PHF24: variants seen among roughly 807,000 people sequenced by gnomAD.
PHF24 encodes PHD finger protein 24, also known as Galpha inhibitory interacting protein.
In PHF24, 25 loss-of-function variants were observed where a neutral mutation model predicts 42.6. The observed-to-expected ratio is 0.59, with a 90% CI of 0.43 to 0.82. PHF24 has a LOEUF of 0.82. Ranked by LOEUF, PHF24 falls within the 40% of genes least tolerant of loss-of-function variation. PHF24 has a pLI of 0.00. For synonymous variants in PHF24, 185 were observed against 204.8 expected (o/e 0.90, Z 0.83); for missense variants, 470 against 538.1 (o/e 0.87, Z 1.25).
the PHF24 span, among the ~76,000 whole-genome samples, chr9:34,711,667 C>T: frequency 2.6e-5 from 4 of 152,066 alleles, no homozygotes; most frequent in South Asian, 4.2e-4. Flanking sequence ...CTCAGCCTCC[C>T]GAGTAACTGG....
chr9:34,948,863 C>A, the PHF24 span, among the ~76,000 whole-genome samples: 1 of 152,194 alleles, frequency 6.6e-6, no homozygotes, highest in African/African-American at 2.4e-5. Context: ...AAATACATAG[C>A]ATGGCAACTC....
chr9:34,852,474 C>A, the PHF24 span, among the ~76,000 whole-genome samples: 1 of 152,194 alleles, frequency 6.6e-6, no homozygotes, highest in Non-Finnish European at 1.5e-5. Flanking sequence ...GAGTAAAGAA[C>A]ACCTGAGCTT....
chr9:34,790,002 A>T, the PHF24 span, among the ~76,000 whole-genome samples: 1 of 151,986 alleles, frequency 6.6e-6, no homozygotes, highest in Non-Finnish European at 1.5e-5. Context: ...ATGCGCCACC[A>T]TGCCTGGCTA....
At chr9:34,723,369 C>A in the PHF24 span, 2 of 1,551,694 alleles carry the variant, frequency 1.3e-6, no homozygotes, top group Non-Finnish European at 8.7e-7. Flanking sequence ...GATTGGGGAC[C>A]ATCCAAGAAG....
At chr9:34,805,370 T>C in the PHF24 span, among the ~76,000 whole-genome samples, 4 of 152,234 alleles carry the variant, frequency 2.6e-5, no homozygotes, top group African/African-American at 9.6e-5. Context: ...CAGCACTTGT[T>C]GTTATCTGAC....
the PHF24 span, chr9:34,889,134 T>C: frequency 5.0e-6 from 2 of 398,630 alleles, no homozygotes; most frequent in Admixed American, 4.4e-5. Context: ...GAAATGGCAA[T>C]GAAAGCCTTT....
intron 3 of PHF24, 143 bp downstream of exon 3, chr9:34,972,674 G>A: frequency 1.4e-6 from 1 of 691,814 alleles, no homozygotes; most frequent in Non-Finnish European, 2.3e-6. Flanking sequence ...CCAGCACTTT[G>A]GGAGGCCAGT....
the PHF24 span, among the ~76,000 whole-genome samples, chr9:34,949,900 C>A: frequency 6.6e-6 from 1 of 151,466 alleles, no homozygotes; most frequent in Non-Finnish European, 1.5e-5. Flanking sequence ...CTAATGCATG[C>A]GGAGCTTAAA....
At chr9:34,863,415 C>CAGAGAGAGAGAGAG in the PHF24 span, among the ~76,000 whole-genome samples, 1 of 146,966 alleles carries the variant, frequency 6.8e-6, no homozygotes, top group African/African-American at 2.6e-5. Flanking sequence ...GCTGGCTCAT[C>CAGAGAGAGAGAGAG]AGAGAGAGAG....
chr9:34,888,960 A>G, the PHF24 span: 1 of 397,374 alleles, frequency 2.5e-6, no homozygotes, highest in Non-Finnish European at 4.4e-6. Flanking sequence ...CTGAAATAAA[A>G]TGTGATTTAA....
the PHF24 span, among the ~76,000 whole-genome samples, chr9:34,753,838 C>G: frequency 6.6e-6 from 1 of 152,086 alleles, no homozygotes; most frequent in African/African-American, 2.4e-5. Context: ...ATCCATGCAT[C>G]TACAGCGAAC....
At chr9:34,873,388 G>A in the PHF24 span, among the ~76,000 whole-genome samples, 1 of 152,144 alleles carries the variant, frequency 6.6e-6, no homozygotes, top group African/African-American at 2.4e-5. Context: ...TGTATAAGGT[G>A]TAAGGAAGAG....
At chr9:34,922,821 G>A in the PHF24 span, 1 of 1,592,392 alleles carries the variant, frequency 6.3e-7, no homozygotes, top group African/African-American at 1.3e-5. Context: ...GGATAATTAA[G>A]CTCCTTGCTC....
chr9:34,789,021 C>T, the PHF24 span, among the ~76,000 whole-genome samples: 13 of 152,186 alleles, frequency 8.5e-5, no homozygotes, highest in Admixed American at 5.9e-4. Flanking sequence ...CAGTAATGAG[C>T]GATGCAGGTG....
chr9:34,688,078 C>T, the PHF24 span, among the ~76,000 whole-genome samples: 30 of 152,144 alleles, frequency 2.0e-4, no homozygotes, highest in Admixed American at 1.8e-3. Flanking sequence ...GTTTTGAGCA[C>T]CTGCATCTGG....
the PHF24 span, among the ~76,000 whole-genome samples, chr9:34,923,073 A>G: frequency 6.7e-6 from 1 of 149,594 alleles, no homozygotes; most frequent in Non-Finnish European, 1.5e-5. Flanking sequence ...TTTAATCATG[A>G]AGGGATGTTG....
At chr9:34,887,665 A>T in the PHF24 span, among the ~76,000 whole-genome samples, 1 of 152,116 alleles carries the variant, frequency 6.6e-6, no homozygotes, top group African/African-American at 2.4e-5. Flanking sequence ...ACCTTCCCTG[A>T]GCTCCTTATT....
the PHF24 span, among the ~76,000 whole-genome samples, chr9:34,791,239 G>T: frequency 2.0e-5 from 3 of 152,206 alleles, no homozygotes; most frequent in Non-Finnish European, 2.9e-5. Context: ...TCGGCAAGAA[G>T]TGACAAGCTG....
the PHF24 span, among the ~76,000 whole-genome samples, chr9:34,872,466 T>C: frequency 6.6e-6 from 1 of 150,788 alleles, no homozygotes; most frequent in African/African-American, 2.4e-5. Flanking sequence ...GTCTGGTTTT[T>C]TGTTCTTGCG....
Sources: gnomAD v4.1 joint callset for allele counts (sites outside exome capture counted in the v4.1 genomes callset) on GRCh38, gnomAD v4.1.1 for gene constraint, MANE v1.5 for transcripts, NCBI Gene and HGNC (gene_info 2026-07-23, HGNC 2026-07-21) for gene names.